The following HIVEP2 variants were observed in gnomAD, a reference collection of about 807,000 sequenced individuals.
HIVEP2 encodes HIVEP zinc finger 2.
HIVEP2 carries 14 observed loss-of-function variants against 180.7 expected under a neutral mutation model. That is an observed-to-expected ratio of 0.08 (90% CI 0.05 to 0.12). The LOEUF is 0.12. Among genes scored for constraint, HIVEP2 ranks in the 10% least tolerant of loss-of-function variants. HIVEP2 has a pLI of 1.00. For synonymous variants in HIVEP2, 1,184 were observed against 1,136.4 expected (o/e 1.04, Z -0.84); for missense variants, 2,579 against 3,008.5 (o/e 0.86, Z 3.34).
In HIVEP2 at chr6:142,772,040, G is replaced by A. The variant is rs758693969; in HGVS notation, c.2699C>T (p.Pro900Leu). ...EIRVTEEPDK[P>L]EKEKEAQSKE... ...GCTCTGGGCTTCCTTCTCCTTCTCA[G>A]GTTTATCAGGCTCCTCGGTCACTCG... The change falls in exon 5 of 10, where the codon CCT becomes CTT. Residue 900 changes from proline (P) to leucine (L), a missense_variant. By Grantham distance (98) the Pro-to-Leu change is moderately conservative. Coordinates refer to ENST00000367603, the MANE Select transcript of HIVEP2 (RefSeq NM_006734.4). The surrounding 1 kb of genome is among the most constrained non-coding windows in gnomAD (Gnocchi z 4.9). 3.1e-6 allele frequency: 5 copies of A among 1,614,156 alleles called. No individual in the cohort carries two copies. The highest frequency in any genetic ancestry group is 4.2e-6 in the Non-Finnish European group (5 of 1,180,034).
intron 2 of HIVEP2, among the ~76,000 whole-genome samples, chr6:142,819,349 A>G (rs537281696): frequency 6.3e-4 from 96 of 152,292 alleles, no homozygotes; most frequent in African/African-American, 2.2e-3. Flanking sequence ...TTCCTGGGGA[A>G]AAGAGTCAGG....
chr6:142,926,565 G>A (rs1384735319), intron 1 of HIVEP2, among the ~76,000 whole-genome samples: 1 of 152,254 alleles, frequency 6.6e-6, no homozygotes, highest in Non-Finnish European at 1.5e-5. Context: ...GGCCTCCTGA[G>A]GTCAGCGCTC....
chr6:142,812,511 C>G (rs886407633), intron 2 of HIVEP2, among the ~76,000 whole-genome samples: 11 of 151,998 alleles, frequency 7.2e-5, no homozygotes, highest in Admixed American at 3.9e-4. Flanking sequence ...TATACCATGC[C>G]CCATAACAAA....
chr6:142,928,019 C>T (rs912244001), intron 1 of HIVEP2, among the ~76,000 whole-genome samples: 5 of 152,226 alleles, frequency 3.3e-5, no homozygotes, highest in Non-Finnish European at 5.9e-5. Context: ...ACATCTCTAA[C>T]ATTTGAACTA....
chr6:142,760,097 A>G lies in HIVEP2; in HGVS notation c.6191T>C (p.Leu2064Pro). ...GGGAGATAAATCTCCTTTGGGTATC[A>G]GATACCTCTTTGGTGAATTATCTCG... ...PCRDNSPKRY[L>P]IPKGDLSPRR... The change falls in exon 9 of 10, where the codon CTG becomes CCG. Residue 2064 changes from leucine (L) to proline (P), a missense_variant. Physicochemically the swap from Leu to Pro is moderately conservative, Grantham distance 98. This residue lies in a region of HIVEP2 where 660 missense variants were observed against 731.7 expected (regional missense o/e 0.90). Transcript: ENST00000367603. 6.2e-7 allele frequency: 1 copy of G among 1,614,134 alleles called. No individual in the cohort carries two copies. The highest frequency in any genetic ancestry group is 8.5e-7 in the Non-Finnish European group (1 of 1,179,990).
rs1388853574 is a variant in HIVEP2 at position 142,753,496 on chromosome 6, T to C, written c.6952A>G (p.Thr2318Ala). ...QSTSEDSLNA[T>A]EREQEENIQT... Reference sequence around the variant, plus strand: ...ATATTTTCCTCCTGTTCCCGCTCTGTTGCGTTTAGGCTGTCTTCCGAAGTG... The same window carrying C: ...ATATTTTCCTCCTGTTCCCGCTCTGCTGCGTTTAGGCTGTCTTCCGAAGTG... The change falls in exon 10 of 10, where the codon ACA (threonine) becomes GCA (alanine). Residue 2318 changes from threonine to alanine, a missense_variant. Physicochemically the swap from Thr to Ala is moderately conservative, Grantham distance 58. Transcript: ENST00000367603. The C allele has an allele frequency of 8.7e-6, 14 of 1,613,986 alleles. No individual in the cohort carries two copies. Among genetic ancestry groups the C allele is most frequent in the East Asian group, 2.2e-5 (1 of 44,892 alleles).
intron 2 of HIVEP2, among the ~76,000 whole-genome samples, chr6:142,784,974 G>A (rs561697336): frequency 3.3e-5 from 5 of 152,068 alleles, no homozygotes; most frequent in Middle Eastern, 3.4e-3. Context: ...TGCAAGCTCT[G>A]CCTCCCGGGT....
At chr6:142,920,355 C>T (rs1777655725) in intron 1 of HIVEP2, among the ~76,000 whole-genome samples, 1 of 152,324 alleles carries the variant, frequency 6.6e-6, no homozygotes, top group South Asian at 2.1e-4. Context: ...TCCTCCGTCA[C>T]ATGTGAGTGG....
At chr6:142,840,049 G>C (rs932824083) in intron 1 of HIVEP2, among the ~76,000 whole-genome samples, 1 of 152,104 alleles carries the variant, frequency 6.6e-6, no homozygotes, top group African/African-American at 2.4e-5. Context: ...AAAGGGGAGA[G>C]TAATGAGTTC....
At chr6:142,885,465 C>A (rs1418512053) in intron 1 of HIVEP2, among the ~76,000 whole-genome samples, 2 of 152,110 alleles carry the variant, frequency 1.3e-5, no homozygotes, top group Non-Finnish European at 2.9e-5. Context: ...TTCCTGTTGT[C>A]CATTCGCTGA....
At chr6:142,858,075 C>T (rs896248068) in intron 1 of HIVEP2, among the ~76,000 whole-genome samples, 10 of 152,214 alleles carry the variant, frequency 6.6e-5, no homozygotes, top group Non-Finnish European at 1.5e-4. Context: ...AGTATCTCAA[C>T]CCAGGCTTGG....
At chr6:142,860,532 T>C (rs1325429877) in intron 1 of HIVEP2, among the ~76,000 whole-genome samples, 2 of 152,286 alleles carry the variant, frequency 1.3e-5, no homozygotes, top group South Asian at 2.1e-4. Context: ...GTGGGAGCCC[T>C]GAGCTTGTTT....
chr6:142,837,989 ATTT>A (rs1037984814), intron 1 of HIVEP2, among the ~76,000 whole-genome samples: 3 of 152,056 alleles, frequency 2.0e-5, no homozygotes, highest in Non-Finnish European at 4.4e-5. Flanking sequence ...TAAGCACAAG[ATTT>A]TTTAATTGTG....
chr6:142,775,578 T>A (rs905802479), intron 4 of HIVEP2, among the ~76,000 whole-genome samples: 9 of 152,188 alleles, frequency 5.9e-5, no homozygotes, highest in African/African-American at 2.2e-4. Context: ...GGCTCACGCC[T>A]GTAAACCCAG....
intron 1 of HIVEP2, among the ~76,000 whole-genome samples, chr6:142,942,189 G>A (rs1282311310): frequency 6.6e-6 from 1 of 151,876 alleles, no homozygotes; most frequent in African/African-American, 2.4e-5. Flanking sequence ...TTTAAAAACT[G>A]AAACCCAACC....
intron 1 of HIVEP2, among the ~76,000 whole-genome samples, chr6:142,861,015 A>C (rs911504301): frequency 1.3e-5 from 2 of 152,332 alleles, no homozygotes; most frequent in Non-Finnish European, 2.9e-5. Flanking sequence ...ACACAGATCT[A>C]TTTTCAAGGA....
chr6:142,911,074 A>C (rs1362943770), intron 1 of HIVEP2, among the ~76,000 whole-genome samples: 1 of 151,504 alleles, frequency 6.6e-6, no homozygotes, highest in Non-Finnish European at 1.5e-5. Flanking sequence ...AAGACAATAA[A>C]GTTTAAAGGT....
intron 1 of HIVEP2, among the ~76,000 whole-genome samples, chr6:142,895,012 T>C (rs1414573229): frequency 1.3e-5 from 2 of 152,220 alleles, no homozygotes; most frequent in Non-Finnish European, 2.9e-5. Flanking sequence ...TAAACCAATT[T>C]AATTGTTTAT....
At chr6:142,846,237 C>G (rs2114910763) in intron 1 of HIVEP2, among the ~76,000 whole-genome samples, 1 of 152,114 alleles carries the variant, frequency 6.6e-6, no homozygotes, top group African/African-American at 2.4e-5. Flanking sequence ...AGAGATTTTA[C>G]CCTCTCCTGT....
Sources: allele counts gnomAD v4.1 joint callset (sites outside exome capture counted in the v4.1 genomes callset), GRCh38; gene constraint gnomAD v4.1.1; regional missense constraint gnomAD v4.1.1; non-coding constraint Gnocchi (gnomAD v3.1); transcripts MANE v1.5; gene names NCBI Gene and HGNC (gene_info 2026-07-23, HGNC 2026-07-21).